RASGRF2: variants seen among roughly 807,000 people sequenced by gnomAD.
RASGRF2 encodes Ras protein specific guanine nucleotide releasing factor 2.
In RASGRF2, 76 loss-of-function variants were observed where a neutral mutation model predicts 151.0. The ratio of observed to expected loss-of-function variants is 0.50; its 90% CI spans 0.42 to 0.61. The LOEUF (loss-of-function observed/expected upper bound fraction) is 0.61. Ranked by LOEUF, RASGRF2 falls within the 20% of genes least tolerant of loss-of-function variation. The pLI is 0.00. For missense variants in RASGRF2, 1,148 were observed against 1,564.6 expected (o/e 0.73, Z 4.49); for synonymous variants, 504 against 566.5 (o/e 0.89, Z 1.57).
chr5:80,970,981 T>G (rs1265531602), intron 1 of RASGRF2, among the ~76,000 whole-genome samples: 1 of 152,216 alleles, frequency 6.6e-6, no homozygotes, highest in Non-Finnish European at 1.5e-5. Flanking sequence ...CGCTGTCACC[T>G]GTACCGCCCA....
At chr5:81,217,556 G>GTT in intron 25 of RASGRF2, 83 bp downstream of exon 25, 1 of 606,134 alleles carries the variant, frequency 1.6e-6, no homozygotes, top group Non-Finnish European at 2.3e-6. Flanking sequence ...GTCAATGTCT[G>GTT]CTTTTTTTTT....
intron 9 of RASGRF2, chr5:81,087,245 G>T (rs1046022086): frequency 2.8e-6 from 2 of 703,060 alleles, no homozygotes; most frequent in South Asian, 1.5e-5. Context: ...AAGGAGGACC[G>T]GTCGGCCTGG....
At chr5:81,164,335 T>C (rs1754456195) in intron 17 of RASGRF2, among the ~76,000 whole-genome samples, 1 of 152,118 alleles carries the variant, frequency 6.6e-6, no homozygotes, top group Non-Finnish European at 1.5e-5. Context: ...CTTTACAGCC[T>C]TTCCATAGGA....
intron 2 of RASGRF2, among the ~76,000 whole-genome samples, chr5:81,048,205 A>G (rs1249810018): frequency 1.3e-5 from 2 of 152,210 alleles, no homozygotes; most frequent in African/African-American, 2.4e-5. Context: ...ATCCAACACC[A>G]TAGTTTGTAT....
intron 2 of RASGRF2, among the ~76,000 whole-genome samples, chr5:81,062,342 C>A (rs929663457): frequency 6.6e-6 from 1 of 152,106 alleles, no homozygotes; most frequent in Non-Finnish European, 1.5e-5. Context: ...ATTTTTAGAT[C>A]TTAAATTGGT....
At chr5:81,196,269 TAAC>T (rs1755263209) in intron 18 of RASGRF2, among the ~76,000 whole-genome samples, 1 of 151,954 alleles carries the variant, frequency 6.6e-6, no homozygotes, top group African/African-American at 2.4e-5. Flanking sequence ...AACAAACAAA[TAAC>T]AACAAAAAAT....
At chr5:81,167,568 G>T (rs1345859335) in intron 17 of RASGRF2, among the ~76,000 whole-genome samples, 2 of 152,198 alleles carry the variant, frequency 1.3e-5, no homozygotes, top group African/African-American at 2.4e-5. Flanking sequence ...AGTGATAGTG[G>T]TGTTCTCCTC....
At chr5:80,963,199 T>C (rs747174274) in intron 1 of RASGRF2, among the ~76,000 whole-genome samples, 2 of 152,246 alleles carry the variant, frequency 1.3e-5, no homozygotes, top group Non-Finnish European at 2.9e-5. Context: ...TTTATGTTGC[T>C]GAGGTGCTTA....
At chr5:81,040,615 C>A (rs1750648048) in intron 1 of RASGRF2, among the ~76,000 whole-genome samples, 1 of 152,184 alleles carries the variant, frequency 6.6e-6, no homozygotes, top group African/African-American at 2.4e-5. Context: ...TGGTGCCCTG[C>A]ACAGGGCCAA....
At chr5:81,022,737 G>A (rs1353484955) in intron 1 of RASGRF2, among the ~76,000 whole-genome samples, 3 of 152,152 alleles carry the variant, frequency 2.0e-5, no homozygotes, top group Admixed American at 6.5e-5. Context: ...CCCTGGGAGA[G>A]GGGGGCACTA....
Position 81,113,947 on chromosome 5 carries a change from A to G in RASGRF2, c.2470+27A>G, listed in dbSNP as rs766516192. 4 of 1,589,046 alleles carry G rather than the reference A, an allele frequency of 2.5e-6. No individual in the cohort carries two copies. The Admixed American group carries it at 6.9e-5, about 27-fold the overall frequency. ...TATTATCTAGCACATTTGCATAATTACACCCCACATTTGCTGGCCGCCTGC... is the reference window on the plus strand; with the variant it reads ...TATTATCTAGCACATTTGCATAATTGCACCCCACATTTGCTGGCCGCCTGC... On this transcript the variant is annotated intron_variant, in intron 15 of 26. Coordinates refer to ENST00000265080, the MANE Select transcript of RASGRF2 (RefSeq NM_006909.3).
intron 2 of RASGRF2, among the ~76,000 whole-genome samples, chr5:81,059,976 G>T (rs978712820): frequency 2.6e-5 from 4 of 152,226 alleles, no homozygotes; most frequent in Non-Finnish European, 4.4e-5. Context: ...TGGAGAGACC[G>T]CAGGAAGCTT....
intron 17 of RASGRF2, among the ~76,000 whole-genome samples, chr5:81,131,807 C>G (rs190036661): frequency 6.6e-6 from 1 of 152,112 alleles, no homozygotes; most frequent in Non-Finnish European, 1.5e-5. Flanking sequence ...TCCTGCCCCT[C>G]AAAACTCGAG....
Position 81,094,469 on chromosome 5 carries a change from A to G in RASGRF2, c.1618+107A>G, listed in dbSNP as rs183211746. 92 of 1,102,670 alleles carry G rather than the reference A, an allele frequency of 8.3e-5. No individual in the cohort carries two copies. In the Admixed American group the frequency reaches 2.2e-3, roughly 27 times the overall value. The allele number at this position is 1,102,670 out of a possible 1,614,324, so 68.3% of individuals were successfully genotyped here. A position where few individuals can be genotyped will look rare whatever the true frequency, so the allele number is the denominator to read the frequency against. ...TTATGTATGAAAAATTGAACCATTT[A>G]GCCCATGAGCCTTGTTAAACCATCT... On this transcript the variant is annotated intron_variant, in intron 11 of 26. Coordinates refer to ENST00000265080, the MANE Select transcript of RASGRF2 (RefSeq NM_006909.3).
Position 81,123,732 on chromosome 5 carries a change from C to A in RASGRF2, c.2561C>A (p.Ser854Ter), listed in dbSNP as rs948414221. ...GAACTTTCACCTTGCAGATCCCCCT[C>A]AACTCCTCGGCACCTCCGCTATCGA... ...TTELSPCRSPSTPRHLRYRQP... is the reference protein window; with the variant it reads ...TTELSPCRSP The change falls in exon 16 of 27, where the codon TCA (serine) becomes TAA (stop). Residue 854 changes from serine (S) to a stop codon, truncating the protein, a stop_gained. Transcript: ENST00000265080. LOFTEE classifies it high-confidence loss of function. 3 of 1,613,984 alleles carry A rather than the reference C, an allele frequency of 1.9e-6. No individual in the cohort carries two copies. The highest frequency in any genetic ancestry group is 2.5e-6 in the Non-Finnish European group (3 of 1,179,934).
At chr5:81,010,480 G>A (rs543180233) in intron 1 of RASGRF2, among the ~76,000 whole-genome samples, 9 of 152,168 alleles carry the variant, frequency 5.9e-5, no homozygotes, top group African/African-American at 9.6e-5. Context: ...AATGAAAAAC[G>A]CATTACTCTG....
At chr5:81,122,562 A>G (rs1035948511) in intron 15 of RASGRF2, among the ~76,000 whole-genome samples, 6 of 152,224 alleles carry the variant, frequency 3.9e-5, no homozygotes, top group African/African-American at 1.4e-4. Context: ...AGATGAAGTC[A>G]TTAGAGATTT....
intron 1 of RASGRF2, among the ~76,000 whole-genome samples, chr5:81,001,826 G>A (rs1749090742): frequency 6.6e-6 from 1 of 152,210 alleles, no homozygotes; most frequent in Middle Eastern, 3.2e-3. Context: ...ACAGTGCCCA[G>A]CAGAGATTCT....
At chr5:81,057,632 T>TA (rs911641965) in intron 2 of RASGRF2, among the ~76,000 whole-genome samples, 3 of 152,214 alleles carry the variant, frequency 2.0e-5, no homozygotes, top group African/African-American at 7.2e-5. Flanking sequence ...TGTATCATGA[T>TA]AAAATCAGGG....
Sources: allele counts gnomAD v4.1 joint callset (sites outside exome capture counted in the v4.1 genomes callset), GRCh38; gene constraint gnomAD v4.1.1; transcripts MANE v1.5; gene names NCBI Gene and HGNC (gene_info 2026-07-23, HGNC 2026-07-21).